KIF13B: variants seen among roughly 807,000 people sequenced by gnomAD.
KIF13B encodes kinesin-like protein KIF13B.
KIF13B carries 127 observed loss-of-function variants against 222.0 expected under a neutral mutation model. That is an observed-to-expected ratio of 0.57 (90% CI 0.50 to 0.66). KIF13B has a LOEUF of 0.66. Ranked by LOEUF, KIF13B falls within the 30% of genes least tolerant of loss-of-function variation. The pLI is 0.00. For missense variants in KIF13B, 2,173 were observed against 2,379.0 expected, an observed-to-expected ratio of 0.91 and a Z score of 1.80; for synonymous variants, 976 against 919.0, an observed-to-expected ratio of 1.06 and a Z score of -1.12.
intron 2 of KIF13B, among the ~76,000 whole-genome samples, chr8:29,233,112 T>A (rs1815359987): frequency 6.6e-6 from 1 of 152,148 alleles, no homozygotes; most frequent in African/African-American, 2.4e-5. Context: ...GCAGAGATCA[T>A]GCCACTGCAC....
Position 29,157,140 on chromosome 8 carries a change from C to T in KIF13B, c.1405-1284G>A, listed in dbSNP as rs906311535. ...CTTGTGATCCCCACCTCCATGACTA[C>T]ATCCTAGATTCAGCCTCCAGGATCT... is the stretch of plus-strand genomic sequence containing the variant. On this transcript the variant is annotated intron_variant, in intron 13 of 39. Coordinates refer to ENST00000524189, the MANE Select transcript of KIF13B (RefSeq NM_015254.4). Among the ~76,000 whole-genome samples the T allele has an allele frequency of 5.9e-5, 9 of 151,992 alleles. 1 individual carries two copies. The South Asian group carries it at 6.2e-4, about 11-fold the overall frequency.
Position 29,072,217 on chromosome 8 carries a change from C to A in KIF13B, c.4621G>T (p.Val1541Phe). 1 of 1,469,944 alleles carries A rather than the reference C, an allele frequency of 6.8e-7. No individual in the cohort carries two copies. The highest frequency in any genetic ancestry group is 2.7e-5 in the East Asian group (1 of 36,920). The allele number at this position is 1,469,944 out of a possible 1,614,324, so 91.1% of individuals were successfully genotyped here. A position where few individuals can be genotyped will look rare whatever the true frequency, so the allele number is the denominator to read the frequency against. Residue 1541 changes from valine (V) to phenylalanine (F), a missense_variant, in exon 39 of 40, where the codon GTC becomes TTC. Around this residue, in one of 2 missense-constraint regions of KIF13B, gnomAD observed 693 missense variants for 656.2 expected, o/e 1.06. Transcript: ENST00000524189. ...KPAKVPSPPP[V>F]IAVTAVTPAP... ...GGGGTGACCGCTGTGACAGCTATGA[C>A]AGGCGGTGGGGAAGGCACTTTGGCA... is the stretch of plus-strand genomic sequence containing the variant.
chr8:29,154,890 T>C (rs1336623524), intron 14 of KIF13B, among the ~76,000 whole-genome samples: 1 of 152,214 alleles, frequency 6.6e-6, no homozygotes, highest in Admixed American at 6.5e-5. Flanking sequence ...GAAGACTTTA[T>C]GGATAAAATC....
chr8:29,117,100 C>T (rs779675252), intron 30 of KIF13B, 93 bp from the exon 31 acceptor site: 11 of 1,125,970 alleles, frequency 9.8e-6, no homozygotes, highest in African/African-American at 3.1e-5. Flanking sequence ...GCTGAAAGGG[C>T]ACATGCCAGT....
chr8:29,184,541 T>C (rs1036099851), intron 6 of KIF13B, among the ~76,000 whole-genome samples: 7 of 152,150 alleles, frequency 4.6e-5, no homozygotes, highest in African/African-American at 1.2e-4. Context: ...ACTTGTTCAA[T>C]AGGTAACAAG....
intron 2 of KIF13B, 39 bp from the exon 3 acceptor site, chr8:29,196,238 A>G: frequency 7.0e-7 from 1 of 1,426,738 alleles, no homozygotes; most frequent in Non-Finnish European, 9.2e-7. Context: ...GACGTGAAAG[A>G]AAAGTTAAAA....
chr8:29,224,176 A>AT (rs10708585), intron 2 of KIF13B, among the ~76,000 whole-genome samples: 2 of 149,314 alleles, frequency 1.3e-5, no homozygotes, highest in African/African-American at 5.0e-5. Flanking sequence ...GTGTGTGTGT[A>AT]TTTTTTTTAG....
At chr8:29,214,112 C>T (rs915166920) in intron 2 of KIF13B, among the ~76,000 whole-genome samples, 1 of 152,128 alleles carries the variant, frequency 6.6e-6, no homozygotes, top group African/African-American at 2.4e-5. Flanking sequence ...GGTGAGTGAA[C>T]GTGAAGGCCT....
intron 36 of KIF13B, among the ~76,000 whole-genome samples, chr8:29,094,598 C>T (rs1210803932): frequency 6.6e-6 from 1 of 152,116 alleles, no homozygotes; most frequent in Non-Finnish European, 1.5e-5. Context: ...ATGTCAATGT[C>T]CTATATTTTG....
intron 2 of KIF13B, among the ~76,000 whole-genome samples, chr8:29,240,306 T>A (rs1350091624): frequency 2.7e-5 from 4 of 148,080 alleles, no homozygotes; most frequent in Non-Finnish European, 4.4e-5. Flanking sequence ...GTACGCTTCA[T>A]CACCATGCAC....
intron 2 of KIF13B, among the ~76,000 whole-genome samples, chr8:29,227,979 T>C (rs1815100909): frequency 6.6e-6 from 1 of 151,666 alleles, no homozygotes; most frequent in African/African-American, 2.4e-5. Context: ...CTCTAGAAGC[T>C]GTGTTTAGCG....
At chr8:29,199,746 TAAC>T (rs1813609661) in intron 2 of KIF13B, among the ~76,000 whole-genome samples, 1 of 152,130 alleles carries the variant, frequency 6.6e-6, no homozygotes, top group African/African-American at 2.4e-5. Flanking sequence ...ACTCTCGACT[TAAC>T]AATCTACGAA....
chr8:29,104,666 G>GTGTC (rs1808962915), intron 35 of KIF13B, among the ~76,000 whole-genome samples: 2 of 152,074 alleles, frequency 1.3e-5, no homozygotes, highest in African/African-American at 4.8e-5. Flanking sequence ...CCATTCCTTG[G>GTGTC]GACATGACGT....
At position 29,071,862 on chromosome 8, in the gene KIF13B, A is replaced by G. The variant is rs538052005; in HGVS notation, c.4976T>C (p.Phe1659Ser). The change falls in exon 39 of 40, where the codon TTC (phenylalanine) becomes TCC (serine). Residue 1659 changes from phenylalanine to serine, a missense_variant. Physicochemically the swap from Phe to Ser is radical, Grantham distance 155. This residue lies in a region of KIF13B where 693 missense variants were observed against 656.2 expected (regional missense o/e 1.06). Coordinates refer to ENST00000524189, the MANE Select transcript of KIF13B (RefSeq NM_015254.4). This position sits in a 1 kb window ranked among gnomAD's most constrained non-coding sequence, Gnocchi z 4.9. Reference protein sequence around the residue: ...RRVRASELRSFSRMLAGDPGC... With the variant: ...RRVRASELRSSSRMLAGDPGC... ...GGGGTCCCCAGCCAGCATGCGCGAG[A>G]AGGAGCGCAACTCCGAGGCCCGCAC... 2.6e-6 allele frequency: 4 copies of G among 1,536,384 alleles called. No homozygotes were observed. The highest frequency in any genetic ancestry group is 8.7e-7 in the Non-Finnish European group (1 of 1,145,736).
chr8:29,197,101 G>A (rs1032453612), intron 2 of KIF13B, among the ~76,000 whole-genome samples: 1 of 151,866 alleles, frequency 6.6e-6, no homozygotes, highest in African/African-American at 2.4e-5. Context: ...ACTTTGGGAG[G>A]CCGAGGCGGG....
intron 11 of KIF13B, among the ~76,000 whole-genome samples, chr8:29,166,532 C>T (rs1237627163): frequency 1.3e-5 from 2 of 152,074 alleles, no homozygotes; most frequent in Non-Finnish European, 2.9e-5. Context: ...TGGAGAAACC[C>T]TGTCTCTATA....
chr8:29,229,209 A>T (rs2130575956), intron 2 of KIF13B, among the ~76,000 whole-genome samples: 1 of 152,160 alleles, frequency 6.6e-6, no homozygotes, highest in African/African-American at 2.4e-5. Flanking sequence ...GTTCTGATCT[A>T]ATCTGAATTA....
intron 1 of KIF13B, among the ~76,000 whole-genome samples, chr8:29,249,494 T>C (rs2130669852): frequency 6.6e-6 from 1 of 151,414 alleles, no homozygotes; most frequent in South Asian, 2.1e-4. Flanking sequence ...GTCAGAGTTA[T>C]GCTGTACTTC....
intron 2 of KIF13B, among the ~76,000 whole-genome samples, chr8:29,207,577 G>T (rs185813322): frequency 1.6e-4 from 24 of 151,466 alleles, no homozygotes; most frequent in African/African-American, 5.8e-4. Flanking sequence ...AGTTCTCCCA[G>T]TGTCCTGATA....
Sources: gnomAD v4.1 joint callset for allele counts (sites outside exome capture counted in the v4.1 genomes callset) on GRCh38, gnomAD v4.1.1 for gene constraint, gnomAD v4.1.1 regional missense constraint, Gnocchi (gnomAD v3.1) non-coding constraint, MANE v1.5 for transcripts, NCBI Gene and HGNC (gene_info 2026-07-23, HGNC 2026-07-21) for gene names.